Variants in TG observed in about 807,000 individuals in gnomAD.
TG encodes the protein thyroglobulin, also known as thyroid hormones.
In TG, 270 loss-of-function variants were observed where a neutral mutation model predicts 324.7. That is an observed-to-expected ratio of 0.83 (90% confidence interval 0.75 to 0.92). TG has a LOEUF of 0.92. Among genes scored for constraint, TG ranks in the 40% least tolerant of loss-of-function variants. TG has a pLI of 0.00. For missense variants in TG, 3,591 were observed against 3,456.4 expected (o/e 1.04, Z -0.98); for synonymous variants, 1,401 against 1,327.0 (o/e 1.06, Z -1.21).
At chr8:133,071,249 C>T (rs557697614) in intron 41 of TG, among the ~76,000 whole-genome samples, 6 of 152,348 alleles carry the variant, frequency 3.9e-5, no homozygotes, top group East Asian at 1.9e-4. Context: ...TGCATCATTA[C>T]GCTGAGGCCT....
chr8:132,913,365 C>T, intron 20 of TG, 100 bp downstream of exon 20: 3 of 1,231,162 alleles, frequency 2.4e-6, no homozygotes, highest in East Asian at 4.9e-5. Flanking sequence ...ACATCCAGGG[C>T]TGAGAACCAT....
At chr8:133,106,615 C>G (rs1564197826) in intron 43 of TG, among the ~76,000 whole-genome samples, 1 of 152,164 alleles carries the variant, frequency 6.6e-6, no homozygotes, top group Non-Finnish European at 1.5e-5. Flanking sequence ...GAACCCTACC[C>G]TCTCTTGTCT....
chr8:133,006,407 G>T (rs1172421142), intron 35 of TG, among the ~76,000 whole-genome samples: 2 of 152,224 alleles, frequency 1.3e-5, no homozygotes, highest in Non-Finnish European at 2.9e-5. Context: ...TGGAATTCTT[G>T]TCACATTTCT....
At chr8:133,021,222 T>A (rs1232554730) in intron 39 of TG, among the ~76,000 whole-genome samples, 1 of 152,192 alleles carries the variant, frequency 6.6e-6, no homozygotes, top group Non-Finnish European at 1.5e-5. Context: ...TTGTAAACAC[T>A]TGGCACAGTG....
intron 41 of TG, among the ~76,000 whole-genome samples, chr8:133,077,994 G>A (rs1164595766): frequency 6.6e-6 from 1 of 152,188 alleles, no homozygotes; most frequent in Non-Finnish European, 1.5e-5. Flanking sequence ...CACGTGTGAA[G>A]GTTGTTCTTT....
chr8:132,894,078 G>A, intron 11 of TG, 149 bp downstream of exon 11: 1 of 1,230,830 alleles, frequency 8.1e-7, no homozygotes, highest in South Asian at 1.3e-5. Flanking sequence ...AGTGGTTTGG[G>A]GGCACCAGTC....
intron 43 of TG, among the ~76,000 whole-genome samples, chr8:133,111,320 A>C (rs1249003900): frequency 6.6e-6 from 1 of 152,224 alleles, no homozygotes; most frequent in Non-Finnish European, 1.5e-5. Flanking sequence ...TCTCAGCCTC[A>C]GAATTATGGT....
intron 13 of TG, 126 bp from the exon 14 acceptor site, chr8:132,898,672 A>G: frequency 1.3e-6 from 1 of 771,134 alleles, no homozygotes; most frequent in South Asian, 1.5e-5. Flanking sequence ...CAGAGATTCT[A>G]CCTCTCTATG....
rs1814782080 is a variant in TG at position 132,882,468 on chromosome 8, GGTTTGGAGTT to G, written c.749_758del (p.Leu250TyrfsTer149). On this transcript the variant is annotated frameshift_variant and splice_region_variant, in exon 7 of 48. Transcript: ENST00000220616. LOFTEE classifies it high-confidence loss of function. ...CTGAAAGTCTTGCTGTCTTTGCTCA[GGTTTGGAGTT>G]GTTACTGGATGAAATTTATGACACC... The G allele has an allele frequency of 6.2e-7, 1 of 1,614,206 alleles. No homozygotes were observed. The highest frequency in any genetic ancestry group is 1.3e-5 in the African/African-American group (1 of 75,046).
chr8:133,071,157 G>A (rs997664177), intron 41 of TG, among the ~76,000 whole-genome samples: 4 of 152,180 alleles, frequency 2.6e-5, no homozygotes, highest in African/African-American at 9.7e-5. Flanking sequence ...CAGGAGAGGG[G>A]GCACCAGTGC....
chr8:132,929,209 A>T lies in TG; in HGVS notation c.4816+17A>T, dbSNP rs1281181097. 6.3e-7 allele frequency: 1 copy of T among 1,580,470 alleles called. No individual in the cohort carries two copies. Among genetic ancestry groups the T allele is most frequent in the African/African-American group, 1.3e-5 (1 of 74,236 alleles). ...GCTTGACAGGTGAGGAGTGGTGGGGAGATATGCACTCAGAAGAAGGTGTGG... is the reference window on the plus strand; with the variant it reads ...GCTTGACAGGTGAGGAGTGGTGGGGTGATATGCACTCAGAAGAAGGTGTGG... On this transcript the variant is annotated intron_variant, in intron 23 of 47. Coordinates refer to ENST00000220616, the MANE Select transcript of TG (RefSeq NM_003235.5).
chr8:133,134,596 T>A (rs1852210651), intron 47 of TG, 80 bp from the exon 48 acceptor site: 1 of 1,312,098 alleles, frequency 7.6e-7, no homozygotes, highest in Admixed American at 1.7e-5. Flanking sequence ...GGCTGGGGTC[T>A]CTTTGGGACA....
rs565671419 is a variant in TG at position 133,130,833 on chromosome 8, C to G, written c.7863-979C>G. ...CAGCCAGTTTTCCAGAAGCGCCTCC[C>G]GAGAAACAGGCTGTTGAACCTTTCA... On this transcript the variant is annotated intron_variant, in intron 45 of 47. Transcript: ENST00000220616. 2.6e-5 allele frequency among the ~76,000 whole-genome samples: 4 copies of G among 152,248 alleles called. 1 individual carries two copies. In the South Asian group the frequency reaches 8.3e-4, roughly 32 times the overall value.
In TG at chr8:133,038,852, G is replaced by A. The variant is rs935311173; in HGVS notation, c.7239+8829G>A. 11 of 637,120 alleles carry A rather than the reference G, an allele frequency of 1.7e-5. No homozygotes were observed. The Admixed American group carries it at 2.9e-4, about 17-fold the overall frequency. 39.5% of individuals were successfully genotyped at this position (637,120 alleles called of 1,614,324 possible). A position where few individuals can be genotyped will look rare whatever the true frequency, so the allele number is the denominator to read the frequency against. ...GAGGAAAAGAAAAACAAAAATCCTGGTGACTATTTCTCTAACTTATTATTA... is the reference window on the plus strand; with the variant it reads ...GAGGAAAAGAAAAACAAAAATCCTGATGACTATTTCTCTAACTTATTATTA... On this transcript the variant is annotated intron_variant, in intron 41 of 47. Coordinates refer to ENST00000220616, the MANE Select transcript of TG (RefSeq NM_003235.5).
At chr8:132,999,604 C>T (rs76074146) in intron 35 of TG, among the ~76,000 whole-genome samples, 2 of 152,130 alleles carry the variant, frequency 1.3e-5, no homozygotes, top group African/African-American at 4.8e-5. Flanking sequence ...CAGAAAACTG[C>T]AGCCTGCAGC....
intron 35 of TG, among the ~76,000 whole-genome samples, chr8:132,989,461 T>C (rs1199111107): frequency 6.6e-6 from 1 of 152,204 alleles, no homozygotes; most frequent in East Asian, 1.9e-4. Context: ...CAGAGCGGAC[T>C]GTGAAGAAGG....
At chr8:132,898,997 T>G in intron 14 of TG, 87 bp downstream of exon 14, 3 of 1,178,422 alleles carry the variant, frequency 2.5e-6, no homozygotes, top group Non-Finnish European at 3.7e-6. Context: ...ACGTTCAGCT[T>G]AGTTAAAAGC....
intron 29 of TG, among the ~76,000 whole-genome samples, chr8:132,963,798 G>T (rs1366644309): frequency 6.6e-6 from 1 of 152,044 alleles, no homozygotes; most frequent in Non-Finnish European, 1.5e-5. Flanking sequence ...AGATCAGACT[G>T]CTGGCACAGG....
At chr8:132,906,637 C>A (rs781042997) in intron 16 of TG, 51 bp from the exon 17 acceptor site, 9 of 1,603,642 alleles carry the variant, frequency 5.6e-6, no homozygotes, top group Non-Finnish European at 7.7e-6. Flanking sequence ...CATGCTCAGT[C>A]GTCCCGAGGC....
Sources: allele counts gnomAD v4.1 joint callset (sites outside exome capture counted in the v4.1 genomes callset), GRCh38; gene constraint gnomAD v4.1.1; transcripts MANE v1.5; gene names NCBI Gene and HGNC (gene_info 2026-07-23, HGNC 2026-07-21).